Variants in IL1RAPL2 observed in about 807,000 individuals in gnomAD.
IL1RAPL2 encodes the protein interleukin 1 receptor accessory protein like 2, also known as X-linked interleukin-1 receptor accessory protein-like 2.
IL1RAPL2 carries 3 observed loss-of-function variants against 44.1 expected under a neutral mutation model. The ratio of observed to expected loss-of-function variants is 0.07; its 90% confidence interval spans 0.03 to 0.18. IL1RAPL2 has a LOEUF of 0.18. Ranked by LOEUF, IL1RAPL2 falls within the 10% of genes least tolerant of loss-of-function variation. The pLI is 1.00. For missense variants in IL1RAPL2, 391 were observed against 496.4 expected (o/e 0.79, Z 2.02); for synonymous variants, 181 against 178.8 (o/e 1.01, Z -0.10).
intron 1 of IL1RAPL2, among the ~76,000 whole-genome samples, chrX:104,614,822 T>C (rs1479075765): frequency 8.9e-6 from 1 of 111,896 alleles, no homozygotes; most frequent in Non-Finnish European, 1.9e-5. Flanking sequence ...CCCTGCTCTT[T>C]TTTGGTTTCC....
intron 5 of IL1RAPL2, among the ~76,000 whole-genome samples, chrX:105,286,809 T>C (rs2034575803): frequency 1.8e-5 from 2 of 111,831 alleles, no homozygotes; most frequent in African/African-American, 3.2e-5. Context: ...CCCTTTTGTA[T>C]TCCTATCACT....
intron 2 of IL1RAPL2, among the ~76,000 whole-genome samples, chrX:104,833,785 T>C (rs943696865): frequency 1.8e-5 from 2 of 112,353 alleles, no homozygotes; most frequent in Non-Finnish European, 3.8e-5. Context: ...CTACTGAGGA[T>C]AAGTGACTAT....
rs1924996168 is a variant in IL1RAPL2 at position 104,935,106 on chromosome X, A to G, written c.83-260369A>G. ...TAATAATATTGTTGCTATTATATTC[A>G]ACAATCCACAATTGTGATATACCTA... On this transcript the variant is annotated intron_variant, in intron 2 of 10. Transcript: ENST00000372582. Among the ~76,000 whole-genome samples, 4 of 112,186 alleles carry G rather than the reference A, an allele frequency of 3.6e-5. No homozygotes were observed. In the Admixed American group the frequency reaches 3.8e-4, roughly 11 times the overall value.
intron 2 of IL1RAPL2, among the ~76,000 whole-genome samples, chrX:104,779,349 ATC>A (rs1932757962): frequency 8.9e-6 from 1 of 111,926 alleles, no homozygotes; most frequent in Admixed American, 9.5e-5. Context: ...TGATGTTTGC[ATC>A]GTCTTCCAGG....
chrX:105,165,156 C>A (rs1421432605), intron 2 of IL1RAPL2, among the ~76,000 whole-genome samples: 2 of 111,739 alleles, frequency 1.8e-5, no homozygotes, highest in African/African-American at 6.5e-5. Flanking sequence ...ATTCTTGATT[C>A]TTTTCTTTCC....
At chrX:104,753,671 A>C (rs1360637953) in intron 2 of IL1RAPL2, among the ~76,000 whole-genome samples, 1 of 111,666 alleles carries the variant, frequency 9.0e-6, no homozygotes, top group East Asian at 2.8e-4. Flanking sequence ...TAAAGTCTCC[A>C]TTAGGAACAT....
At chrX:104,977,828 C>G (rs1312037482) in intron 2 of IL1RAPL2, among the ~76,000 whole-genome samples, 2 of 112,268 alleles carry the variant, frequency 1.8e-5, no homozygotes, top group Non-Finnish European at 3.8e-5. Context: ...GCAGTTATAT[C>G]TATATCCACG....
chrX:105,466,928 C>A (rs770391151), intron 5 of IL1RAPL2, among the ~76,000 whole-genome samples: 8 of 111,513 alleles, frequency 7.2e-5, no homozygotes, highest in African/African-American at 2.6e-4. Context: ...TCACAAAAGA[C>A]AGCCAAACCC....
chrX:105,333,532 A>G (rs1282122130), intron 5 of IL1RAPL2, among the ~76,000 whole-genome samples: 1 of 111,808 alleles, frequency 8.9e-6, no homozygotes, highest in East Asian at 2.8e-4. Context: ...ATCAAGTTAA[A>G]AAGTTTCTGC....
intron 6 of IL1RAPL2, among the ~76,000 whole-genome samples, chrX:105,623,735 C>A (rs2037435558): frequency 9.0e-6 from 1 of 111,486 alleles, no homozygotes; most frequent in African/African-American, 3.3e-5. Flanking sequence ...ATTTATCCAA[C>A]ATTTATTTGA....
At chrX:104,884,336 G>A (rs1923167566) in intron 2 of IL1RAPL2, among the ~76,000 whole-genome samples, 2 of 111,860 alleles carry the variant, frequency 1.8e-5, no homozygotes, top group Admixed American at 1.9e-4. Context: ...AGGGTCCAGG[G>A]ACCGTTGCGG....
At chrX:104,900,412 A>C (rs1412781509) in intron 2 of IL1RAPL2, among the ~76,000 whole-genome samples, 5 of 111,548 alleles carry the variant, frequency 4.5e-5, no homozygotes, top group Non-Finnish European at 9.4e-5. Flanking sequence ...GGTTCTTAAC[A>C]TACAGTACAC....
At chrX:105,508,357 G>A (rs927645091) in intron 6 of IL1RAPL2, among the ~76,000 whole-genome samples, 2 of 110,741 alleles carry the variant, frequency 1.8e-5, no homozygotes, top group Non-Finnish European at 1.9e-5. Context: ...AACTGGTTTC[G>A]GAAACAGTAA....
At chrX:104,575,431 G>T (rs1928226896) in intron 1 of IL1RAPL2, among the ~76,000 whole-genome samples, 1 of 111,026 alleles carries the variant, frequency 9.0e-6, no homozygotes, top group African/African-American at 3.3e-5. Flanking sequence ...TAAATATATA[G>T]AGTTATTGAA....
At chrX:105,717,831 T>G (rs2038270162) in intron 7 of IL1RAPL2, among the ~76,000 whole-genome samples, 1 of 112,357 alleles carries the variant, frequency 8.9e-6, no homozygotes, top group African/African-American at 3.2e-5. Context: ...TTGTTTATTT[T>G]CTACCTGGGA....
At chrX:105,388,606 A>G (rs2035498255) in intron 5 of IL1RAPL2, among the ~76,000 whole-genome samples, 1 of 110,819 alleles carries the variant, frequency 9.0e-6, no homozygotes. Context: ...GTCTGTGAAG[A>G]GGCCTACTCA....
chrX:104,777,904 A>G (rs938281163), intron 2 of IL1RAPL2, among the ~76,000 whole-genome samples: 3 of 111,169 alleles, frequency 2.7e-5, no homozygotes, highest in East Asian at 2.8e-4. Flanking sequence ...GCTGCATCAT[A>G]TGGTAATTCT....
chrX:105,626,274 G>A (rs1489594884), intron 6 of IL1RAPL2, among the ~76,000 whole-genome samples: 1 of 111,716 alleles, frequency 9.0e-6, no homozygotes, highest in Non-Finnish European at 1.9e-5. Flanking sequence ...TCACAGGAAG[G>A]TATGTTTGGA....
At chrX:104,582,676 CTCTT>C (rs202220678) in intron 1 of IL1RAPL2, among the ~76,000 whole-genome samples, 32 of 67,739 alleles carry the variant, frequency 4.7e-4, no homozygotes, top group South Asian at 2.5e-3. Context: ...TTTTTTCTTT[CTCTT>C]TCTTTCTTTC....
Sources: allele counts gnomAD v4.1 joint callset (sites outside exome capture counted in the v4.1 genomes callset), GRCh38; gene constraint gnomAD v4.1.1; transcripts MANE v1.5; gene names NCBI Gene and HGNC (gene_info 2026-07-23, HGNC 2026-07-21).